RSRC1: variants seen among roughly 807,000 people sequenced by gnomAD.
RSRC1 encodes the protein serine/Arginine-related protein 53.
RSRC1 carries 39 observed loss-of-function variants against 49.1 expected under a neutral mutation model. The observed-to-expected ratio is 0.79, with a 90% confidence interval of 0.61 to 1.04. RSRC1 has a LOEUF of 1.04. RSRC1 is among the 50% of genes least tolerant of loss of function. The probability of loss-of-function intolerance (pLI) is 0.00; values close to 1 mark genes in which losing one functional copy is unlikely to be tolerated. For synonymous variants in RSRC1, 143 were observed against 130.8 expected (o/e 1.09, Z -0.63); for missense variants, 388 against 402.4 (o/e 0.96, Z 0.31).
intron 3 of RSRC1, among the ~76,000 whole-genome samples, chr3:158,142,460 A>T (rs1178975020): frequency 1.3e-5 from 2 of 152,202 alleles, no homozygotes; most frequent in Non-Finnish European, 2.9e-5. Flanking sequence ...TCACTTAAAA[A>T]GGAATACCTG....
At chr3:158,132,889 T>C (rs1300901438) in intron 3 of RSRC1, among the ~76,000 whole-genome samples, 1 of 152,230 alleles carries the variant, frequency 6.6e-6, no homozygotes, top group Non-Finnish European at 1.5e-5. Context: ...TGATTAAGTA[T>C]GCCCAGTACG....
chr3:158,160,197 G>T lies in RSRC1; in HGVS notation c.320+36206G>T, dbSNP rs1191101909. ...GAAGTCTTTTAAGATGAATGATTGT[G>T]TCTGTGTCTCTGACCTTTCCTGAAG... On this transcript the variant is annotated intron_variant, in intron 3 of 9. Coordinates refer to ENST00000611884, the MANE Select transcript of RSRC1 (RefSeq NM_001271838.2). Among the ~76,000 whole-genome samples, 4 of 152,098 alleles carry T rather than the reference G, an allele frequency of 2.6e-5. No homozygotes were observed. In the South Asian group the frequency reaches 8.3e-4, roughly 32 times the overall value.
chr3:158,298,800 T>G (rs1373218671), intron 5 of RSRC1, among the ~76,000 whole-genome samples: 1 of 152,130 alleles, frequency 6.6e-6, no homozygotes, highest in African/African-American at 2.4e-5. Context: ...GTTGAATAAT[T>G]AATGGTACAT....
chr3:158,355,029 C>A, intron 6 of RSRC1, 121 bp downstream of exon 6: 1 of 626,898 alleles, frequency 1.6e-6, no homozygotes, highest in Non-Finnish European at 2.6e-6. Context: ...ACAAATTTAT[C>A]AGATCTAGAT....
intron 6 of RSRC1, among the ~76,000 whole-genome samples, chr3:158,371,647 T>A (rs1200276887): frequency 6.6e-6 from 1 of 151,904 alleles, no homozygotes; most frequent in Non-Finnish European, 1.5e-5. Context: ...TTTGAGGCAA[T>A]TATGAAATAA....
intron 3 of RSRC1, among the ~76,000 whole-genome samples, chr3:158,202,013 A>G (rs1224902674): frequency 6.6e-6 from 1 of 151,952 alleles, no homozygotes; most frequent in Non-Finnish European, 1.5e-5. Context: ...AAATGGCAAC[A>G]ATTCTGTTTT....
chr3:158,293,281 C>T (rs1443318270), intron 4 of RSRC1, among the ~76,000 whole-genome samples: 1 of 151,892 alleles, frequency 6.6e-6, no homozygotes, highest in African/African-American at 2.4e-5. Context: ...ATAATATATA[C>T]ATACATACAT....
chr3:158,394,490 A>C (rs184466967), intron 6 of RSRC1, among the ~76,000 whole-genome samples: 2 of 152,096 alleles, frequency 1.3e-5, no homozygotes, highest in African/African-American at 4.8e-5. Flanking sequence ...AGTTTCAGCA[A>C]ACTTCCAGGA....
chr3:158,442,186 G>A (rs912274545), intron 6 of RSRC1, among the ~76,000 whole-genome samples: 6 of 152,076 alleles, frequency 3.9e-5, no homozygotes, highest in Non-Finnish European at 4.4e-5. Context: ...TGAAGGTTGG[G>A]ATGGCTGTGG....
intron 5 of RSRC1, among the ~76,000 whole-genome samples, chr3:158,315,483 A>G (rs1728378722): frequency 6.6e-6 from 1 of 152,184 alleles, no homozygotes; most frequent in South Asian, 2.1e-4. Flanking sequence ...TTTGTTCAAG[A>G]TCCCACAGCT....
intron 4 of RSRC1, among the ~76,000 whole-genome samples, chr3:158,226,605 C>A (rs1357640206): frequency 1.3e-5 from 2 of 151,848 alleles, no homozygotes; most frequent in South Asian, 4.1e-4. Context: ...ATGTTATTTG[C>A]ACTTTTGTCC....
intron 5 of RSRC1, among the ~76,000 whole-genome samples, chr3:158,299,811 A>G (rs1727436346): frequency 1.3e-5 from 2 of 148,416 alleles, no homozygotes; most frequent in South Asian, 2.1e-4. Flanking sequence ...TTTATATTGT[A>G]CTTATAATTT....
At chr3:158,313,649 A>T (rs1053098050) in intron 5 of RSRC1, among the ~76,000 whole-genome samples, 2 of 152,236 alleles carry the variant, frequency 1.3e-5, no homozygotes, top group Non-Finnish European at 2.9e-5. Context: ...CACAAAAACT[A>T]TCTCATGCAT....
chr3:158,159,627 T>G (rs893935676), intron 3 of RSRC1, among the ~76,000 whole-genome samples: 1 of 152,016 alleles, frequency 6.6e-6, no homozygotes, highest in Admixed American at 6.6e-5. Context: ...AAAATAACAT[T>G]TTGTAGATAG....
intron 3 of RSRC1, among the ~76,000 whole-genome samples, chr3:158,198,845 G>A (rs548397656): frequency 6.6e-6 from 1 of 152,264 alleles, no homozygotes; most frequent in Non-Finnish European, 1.5e-5. Flanking sequence ...CATTGAGAAA[G>A]TTTGTGGGTT....
At chr3:158,314,974 G>C (rs997767679) in intron 5 of RSRC1, among the ~76,000 whole-genome samples, 1 of 151,538 alleles carries the variant, frequency 6.6e-6, no homozygotes, top group African/African-American at 2.4e-5. Context: ...AGAGGTTGCC[G>C]TGAGCCAAGA....
intron 7 of RSRC1, among the ~76,000 whole-genome samples, chr3:158,519,324 G>A (rs942468912): frequency 2.0e-5 from 3 of 151,896 alleles, no homozygotes; most frequent in Non-Finnish European, 2.9e-5. Context: ...AGAGTGACCA[G>A]CGGTTTCTCT....
At chr3:158,505,718 A>G (rs956010831) in intron 7 of RSRC1, among the ~76,000 whole-genome samples, 1 of 151,000 alleles carries the variant, frequency 6.6e-6, no homozygotes, top group African/African-American at 2.4e-5. Flanking sequence ...CATAGGTTCA[A>G]GGAAGAAAGT....
intron 4 of RSRC1, among the ~76,000 whole-genome samples, chr3:158,245,019 TCTG>T: frequency 6.6e-6 from 1 of 150,914 alleles, no homozygotes; most frequent in African/African-American, 2.4e-5. Flanking sequence ...TTTTTTTTTT[TCTG>T]TCTCTGTCTC....
Sources: gnomAD v4.1 joint callset for allele counts (sites outside exome capture counted in the v4.1 genomes callset) on GRCh38, gnomAD v4.1.1 for gene constraint, MANE v1.5 for transcripts, NCBI Gene and HGNC (gene_info 2026-07-23, HGNC 2026-07-21) for gene names.